XDH: variants seen among roughly 807,000 people sequenced by gnomAD.
The protein encoded by XDH is xanthine dehydrogenase.
XDH carries 138 observed loss-of-function variants against 156.1 expected under a neutral mutation model. That is an observed-to-expected ratio of 0.88 (90% CI 0.77 to 1.02). The LOEUF is 1.02. XDH is among the 50% of genes least tolerant of loss of function. The probability of loss-of-function intolerance (pLI) is 0.00; values close to 1 mark genes in which losing one functional copy is unlikely to be tolerated. For missense variants in XDH, 1,849 were observed against 1,684.9 expected (o/e 1.10, Z -1.71); for synonymous variants, 669 against 625.7 (o/e 1.07, Z -1.03).
intron 34 of XDH, 120 bp downstream of exon 34, chr2:31,339,369 C>A (rs138017918): frequency 1.5e-6 from 2 of 1,365,640 alleles, no homozygotes; most frequent in Non-Finnish European, 1.0e-6. Context: ...AAACCATCTT[C>A]CCTCCTCAAG....
chr2:31,388,717 T>C (rs1184311281), intron 6 of XDH, among the ~76,000 whole-genome samples: 1 of 152,180 alleles, frequency 6.6e-6, no homozygotes, highest in Non-Finnish European at 1.5e-5. Context: ...GTGGCTGGTG[T>C]CTCCCAGGCT....
intron 27 of XDH, 91 bp from the exon 28 acceptor site, chr2:31,348,454 G>A (rs1572516179): frequency 1.6e-6 from 2 of 1,224,792 alleles, no homozygotes; most frequent in Non-Finnish European, 2.4e-6. Context: ...AGGAACAAGA[G>A]AACCAGCAGC....
chr2:31,374,890 G>A (rs1686184724), intron 15 of XDH, among the ~76,000 whole-genome samples: 1 of 152,056 alleles, frequency 6.6e-6, no homozygotes, highest in African/African-American at 2.4e-5. Context: ...CTCTCTTGAA[G>A]ACATATCCTA....
intron 1 of XDH, among the ~76,000 whole-genome samples, 177 bp from the exon 2 acceptor site, chr2:31,406,141 G>A (rs561271919): frequency 1.5e-4 from 23 of 152,318 alleles, no homozygotes; most frequent in Admixed American, 2.6e-4. Flanking sequence ...TGTTGAAGGT[G>A]GGGCCTAGTG....
Position 31,347,580 on chromosome 2 carries a change from G to A in XDH, c.3218C>T (p.Pro1073Leu). 6.2e-7 allele frequency: 1 copy of A among 1,614,180 alleles called. No homozygotes were observed. Residue 1073 changes from proline (P) to leucine (L), a missense_variant, in exon 29 of 36, where the codon CCC becomes CTC. By Grantham distance (98) the Pro-to-Leu change is moderately conservative (BLOSUM62 -3). Coordinates refer to ENST00000379416, the MANE Select transcript of XDH (RefSeq NM_000379.4). ...YISETSTNTVPNTSPTAASVS... is the reference protein window; with the variant it reads ...YISETSTNTVLNTSPTAASVS... ...AGAGGCAGCCGTGGGAGAGGTGTTGGGCACAGTGTTAGTGCTTGTCTCGCT... is the reference window on the plus strand; with the variant it reads ...AGAGGCAGCCGTGGGAGAGGTGTTGAGCACAGTGTTAGTGCTTGTCTCGCT...
intron 24 of XDH, among the ~76,000 whole-genome samples, chr2:31,361,223 A>T (rs979169667): frequency 1.2e-4 from 19 of 152,246 alleles, no homozygotes; most frequent in Non-Finnish European, 2.1e-4. Flanking sequence ...AGCAATCTTT[A>T]CTATTCCAAC....
At chr2:31,338,893 T>C (rs1685045676) in intron 34 of XDH, among the ~76,000 whole-genome samples, 1 of 151,780 alleles carries the variant, frequency 6.6e-6, no homozygotes, top group Non-Finnish European at 1.5e-5. Flanking sequence ...CCAGCTAATT[T>C]TTTTTATTTT....
intron 16 of XDH, 74 bp downstream of exon 16, chr2:31,373,799 C>A: frequency 6.8e-7 from 1 of 1,470,280 alleles, no homozygotes; most frequent in South Asian, 1.2e-5. Flanking sequence ...AGTCATTAGC[C>A]GATGGTCAGC....
chr2:31,403,654 C>A (rs1687121346), intron 2 of XDH, among the ~76,000 whole-genome samples: 1 of 152,092 alleles, frequency 6.6e-6, no homozygotes, highest in South Asian at 2.1e-4. Context: ...TAGGGCTAGA[C>A]CAGAGGCTTT....
At chr2:31,364,905 C>T (rs1179336575) in intron 23 of XDH, among the ~76,000 whole-genome samples, 5 of 152,150 alleles carry the variant, frequency 3.3e-5, no homozygotes, top group Admixed American at 6.5e-5. Flanking sequence ...TAGAGCTAGG[C>T]GGAGCCCCAT....
chr2:31,364,412 TGAA>T (rs1195428801), intron 23 of XDH, among the ~76,000 whole-genome samples, 168 bp from the exon 24 acceptor site: 1 of 151,676 alleles, frequency 6.6e-6, no homozygotes, highest in Non-Finnish European at 1.5e-5. Flanking sequence ...AGGTAACAAG[TGAA>T]GAAGAGAGGA....
intron 5 of XDH, among the ~76,000 whole-genome samples, chr2:31,397,978 C>A (rs1686954964): frequency 6.6e-6 from 1 of 152,208 alleles, no homozygotes; most frequent in Non-Finnish European, 1.5e-5. Context: ...CTCCTAAGTG[C>A]TCCCACAGTG....
intron 13 of XDH, among the ~76,000 whole-genome samples, chr2:31,377,725 G>A (rs925447009): frequency 1.3e-5 from 2 of 152,004 alleles, no homozygotes; most frequent in African/African-American, 2.4e-5. Flanking sequence ...TGTTGGCATC[G>A]TTCAGAAATC....
Position 31,348,278 on chromosome 2 carries a change from T to C in XDH, c.3137A>G (p.Lys1046Arg), listed in dbSNP as rs772219689. Residue 1046 changes from lysine (K) to arginine (R), a missense_variant, in exon 28 of 36, where the codon AAA becomes AGA. Coordinates refer to ENST00000379416, the MANE Select transcript of XDH (RefSeq NM_000379.4). ...GTEMGQGLHT[K>R]MVQVASRALK... ...GAGAGGGCTGCTCACCTGGACCATT[T>C]TGGTATGAAGGCCTTGGCCCATCTC... 2 of 1,614,190 alleles carry C rather than the reference T, an allele frequency of 1.2e-6. No homozygotes were observed. Among genetic ancestry groups the C allele is most frequent in the Non-Finnish European group, 1.7e-6 (2 of 1,180,020 alleles).
At chr2:31,404,022 C>T (rs548618010) in intron 2 of XDH, among the ~76,000 whole-genome samples, 36 of 152,242 alleles carry the variant, frequency 2.4e-4, no homozygotes, top group African/African-American at 8.2e-4. Context: ...CACCTAGATA[C>T]CTGTTTGACC....
rs79597679 is a variant in XDH at position 31,386,865 on chromosome 2, G to GC, written c.652-311dup. Among the ~76,000 whole-genome samples, 150,554 of 150,554 alleles carry GC rather than the reference G, an allele frequency of 1. 75,277 individuals carry two copies. The highest frequency in any genetic ancestry group is 1 in the Non-Finnish European group (67,790 of 67,790). On this transcript the variant is annotated intron_variant, in intron 8 of 35. Transcript: ENST00000379416. ...GGGTCCCCAACAGACCTGGCTGAAA[G>GC]CCAGATTCCTTGCAGTGCCCCATAA...
At position 31,365,527 on chromosome 2, in the gene XDH, C is replaced by G; in HGVS notation, c.2474G>C (p.Arg825Pro). 4 of 1,614,174 alleles carry G rather than the reference C, an allele frequency of 2.5e-6. No homozygotes were observed. The highest frequency in any genetic ancestry group is 3.4e-6 in the Non-Finnish European group (4 of 1,180,040). ...GTCCTCATCACGGTCCAGCATGCAT[C>G]GCACAGGGCGGCCGGTCCTGGGGGT... ...LAAYKTGRPV[R>P]CMLDRDEDML... is the part of the protein sequence containing the mutation. The change falls in exon 23 of 36, where the codon CGA becomes CCA. Residue 825 changes from arginine to proline, a missense_variant. Coordinates refer to ENST00000379416, the MANE Select transcript of XDH (RefSeq NM_000379.4).
chr2:31,365,837 T>G, intron 22 of XDH, 139 bp downstream of exon 22: 1 of 1,435,764 alleles, frequency 7.0e-7, no homozygotes, highest in South Asian at 1.2e-5. Flanking sequence ...GCCCAAGGGT[T>G]CTAAAAACAG....
In XDH at chr2:31,372,255, GT is replaced by G; in HGVS notation, c.1828del (p.Thr610ProfsTer12). 1.9e-6 allele frequency: 3 copies of G among 1,614,254 alleles called. No individual in the cohort carries two copies. Among genetic ancestry groups the G allele is most frequent in the Non-Finnish European group, 2.5e-6 (3 of 1,180,046 alleles). ...GATCTTGGCGTGGGCCCGGGTGCTG[GT>G]GACCAGCCGGAGAGACAGCTCATTC... ...YENELSLRLVTSTRAHAKIKS... is the reference protein window; with the variant it reads ...YENELSLRLVXSTRAHAKIKS... On this transcript the variant is annotated frameshift_variant, in exon 17 of 36. Transcript: ENST00000379416. LOFTEE classifies it high-confidence loss of function.
Sources: gnomAD v4.1 joint callset for allele counts (sites outside exome capture counted in the v4.1 genomes callset) on GRCh38, gnomAD v4.1.1 for gene constraint, MANE v1.5 for transcripts, NCBI Gene and HGNC (gene_info 2026-07-23, HGNC 2026-07-21) for gene names.